The following NRXN3 variants were observed in gnomAD, a reference collection of about 807,000 sequenced individuals.
NRXN3 encodes the protein neurexin III.
In NRXN3, 32 loss-of-function variants were observed where a neutral mutation model predicts 137.6. The ratio of observed to expected loss-of-function variants is 0.23; its 90% CI spans 0.18 to 0.31. NRXN3 has a LOEUF of 0.31. Ranked by LOEUF, NRXN3 falls within the 10% of genes least tolerant of loss-of-function variation. NRXN3 has a pLI of 1.00. For synonymous variants in NRXN3, 798 were observed against 784.5 expected (o/e 1.02, Z -0.29); for missense variants, 1,574 against 2,062.5 (o/e 0.76, Z 4.59).
intron 15 of NRXN3, among the ~76,000 whole-genome samples, chr14:79,455,926 T>C (rs1331454834): frequency 6.6e-6 from 1 of 152,034 alleles, no homozygotes; most frequent in African/African-American, 2.4e-5. Context: ...TGCATTAAGG[T>C]GAAAGTTCAG....
In NRXN3 at chr14:79,663,804, C is replaced by T; in HGVS notation, c.3471C>T (p.Phe1157=). 1 of 1,613,048 alleles carries T rather than the reference C, an allele frequency of 6.2e-7. No homozygotes were observed. Among genetic ancestry groups the T allele is most frequent in the South Asian group, 1.1e-5 (1 of 91,020 alleles). The change falls in exon 17 of 21, where the codon TTC becomes TTT. Residue 1157 remains phenylalanine, a synonymous_variant. Coordinates refer to ENST00000335750, the MANE Select transcript of NRXN3 (RefSeq NM_001330195.2). ...HIEQGKIGVV[F]NIGTVDISIK... ...AACAGGGGAAAATTGGAGTTGTCTT[C>T]AACATTGGCACAGTTGACATCTCCA...
At chr14:78,351,029 G>A (rs370164396) in intron 4 of NRXN3, among the ~76,000 whole-genome samples, 44 of 152,236 alleles carry the variant, frequency 2.9e-4, no homozygotes, top group Non-Finnish European at 4.9e-4. Flanking sequence ...CTACTCCATT[G>A]CCAGAGGCAA....
chr14:79,699,722 G>A (rs2098747929), intron 19 of NRXN3, among the ~76,000 whole-genome samples: 1 of 152,022 alleles, frequency 6.6e-6, no homozygotes, highest in Non-Finnish European at 1.5e-5. Flanking sequence ...CATTTTAGAG[G>A]AGATGAACAA....
At chr14:79,741,793 G>A (rs1191043374) in intron 19 of NRXN3, among the ~76,000 whole-genome samples, 1 of 139,410 alleles carries the variant, frequency 7.2e-6, no homozygotes, top group Non-Finnish European at 1.5e-5. Context: ...GCCAAAATGT[G>A]TATACATTAC....
chr14:79,278,460 C>T (rs2080670485), intron 15 of NRXN3, among the ~76,000 whole-genome samples: 1 of 152,160 alleles, frequency 6.6e-6, no homozygotes, highest in Non-Finnish European at 1.5e-5. Context: ...CATTCTGGCT[C>T]TCCCCTGCGT....
chr14:79,214,439 T>C (rs2068173613), intron 15 of NRXN3, among the ~76,000 whole-genome samples: 2 of 152,184 alleles, frequency 1.3e-5, no homozygotes, highest in South Asian at 4.1e-4. Context: ...AGTAATGTAT[T>C]ATGTAGTTTC....
At chr14:79,410,203 GCA>G (rs957170615) in intron 15 of NRXN3, among the ~76,000 whole-genome samples, 1 of 150,522 alleles carries the variant, frequency 6.6e-6, no homozygotes, top group Admixed American at 6.6e-5. Context: ...ACACACACAC[GCA>G]CACACACACG....
chr14:78,938,577 T>C (rs1219266543), intron 10 of NRXN3, among the ~76,000 whole-genome samples: 1 of 152,152 alleles, frequency 6.6e-6, no homozygotes, highest in Admixed American at 6.5e-5. Flanking sequence ...TATTTGACAT[T>C]AGGATTTTTT....
chr14:78,922,446 A>C (rs921382942), intron 10 of NRXN3, among the ~76,000 whole-genome samples: 1 of 152,234 alleles, frequency 6.6e-6, no homozygotes, highest in Non-Finnish European at 1.5e-5. Context: ...AAAAATGTGT[A>C]TCAGAGTATG....
chr14:79,349,290 C>T (rs903526750), intron 15 of NRXN3, among the ~76,000 whole-genome samples: 3 of 151,026 alleles, frequency 2.0e-5, no homozygotes, highest in Admixed American at 6.6e-5. Context: ...GTAAGGTCTC[C>T]GGAATCTTTA....
chr14:78,299,380 C>G (rs1336309506), intron 4 of NRXN3, among the ~76,000 whole-genome samples: 3 of 152,168 alleles, frequency 2.0e-5, no homozygotes, highest in Admixed American at 6.5e-5. Context: ...GAACCGAGCT[C>G]TATGAATTGC....
At chr14:79,597,166 A>G (rs1400575258) in intron 16 of NRXN3, among the ~76,000 whole-genome samples, 2 of 152,214 alleles carry the variant, frequency 1.3e-5, no homozygotes, top group African/African-American at 4.8e-5. Flanking sequence ...TTGTGAGAAG[A>G]AAGAATACTT....
intron 19 of NRXN3, among the ~76,000 whole-genome samples, chr14:79,790,026 T>G (rs1051617402): frequency 6.6e-6 from 1 of 152,186 alleles, no homozygotes; most frequent in Non-Finnish European, 1.5e-5. Context: ...AGTTAATCAA[T>G]TCAGTCTGGG....
At chr14:78,282,890 C>G (rs1299918931) in intron 3 of NRXN3, among the ~76,000 whole-genome samples, 1 of 152,210 alleles carries the variant, frequency 6.6e-6, no homozygotes, top group African/African-American at 2.4e-5. Context: ...TTGTTGCTCA[C>G]AGGGCGACCT....
chr14:79,659,018 C>A (rs976167372), intron 16 of NRXN3, among the ~76,000 whole-genome samples: 2 of 152,144 alleles, frequency 1.3e-5, no homozygotes, highest in African/African-American at 4.8e-5. Flanking sequence ...TGGAGTCTGA[C>A]CCTGGTGTCG....
At chr14:79,039,071 C>T (rs776129395) in intron 15 of NRXN3, among the ~76,000 whole-genome samples, 21 of 152,160 alleles carry the variant, frequency 1.4e-4, no homozygotes, top group Middle Eastern at 3.4e-3. Flanking sequence ...CATCTGTGAA[C>T]GTAACAGAGA....
chr14:79,445,110 G>A (rs1395336271), intron 15 of NRXN3, among the ~76,000 whole-genome samples: 1 of 152,078 alleles, frequency 6.6e-6, no homozygotes, highest in Non-Finnish European at 1.5e-5. Context: ...TAGAGGCTGA[G>A]GCGGGCAGAT....
intron 15 of NRXN3, among the ~76,000 whole-genome samples, chr14:79,016,621 A>G (rs2099579693): frequency 6.6e-6 from 1 of 152,202 alleles, no homozygotes; most frequent in African/African-American, 2.4e-5. Flanking sequence ...GAATGTTACA[A>G]AAGAAGAGAT....
intron 15 of NRXN3, among the ~76,000 whole-genome samples, chr14:79,141,798 A>G (rs2058808379): frequency 6.6e-6 from 1 of 152,216 alleles, no homozygotes; most frequent in Non-Finnish European, 1.5e-5. Flanking sequence ...TTATAAACAC[A>G]TTTTACCTGA....
Sources: gnomAD v4.1 joint callset for allele counts (sites outside exome capture counted in the v4.1 genomes callset) on GRCh38, gnomAD v4.1.1 for gene constraint, MANE v1.5 for transcripts, NCBI Gene and HGNC (gene_info 2026-07-23, HGNC 2026-07-21) for gene names.